PDE7B: variants seen among roughly 807,000 people sequenced by gnomAD.
The protein encoded by PDE7B is 3',5'-cyclic-AMP phosphodiesterase 7B.
In PDE7B, 29 loss-of-function variants were observed where a neutral mutation model predicts 56.2. The ratio of observed to expected loss-of-function variants is 0.52; its 90% confidence interval spans 0.38 to 0.70. The LOEUF (loss-of-function observed/expected upper bound fraction) is 0.70. Among genes scored for constraint, PDE7B ranks in the 30% least tolerant of loss-of-function variants. The probability of loss-of-function intolerance (pLI) is 0.00; values close to 1 mark genes in which losing one functional copy is unlikely to be tolerated. For synonymous variants in PDE7B, 197 were observed against 196.9 expected, an observed-to-expected ratio of 1.00 and a Z score of 0.00; for missense variants, 490 against 565.0, an observed-to-expected ratio of 0.87 and a Z score of 1.35.
intron 2 of PDE7B, among the ~76,000 whole-genome samples, chr6:136,087,047 T>G (rs1400802769): frequency 6.6e-6 from 1 of 152,248 alleles, no homozygotes; most frequent in Non-Finnish European, 1.5e-5. Context: ...TTGTATACTA[T>G]TCTTTATCTA....
At chr6:136,077,554 CTAAAAT>C (rs1168393863) in intron 2 of PDE7B, among the ~76,000 whole-genome samples, 2 of 152,026 alleles carry the variant, frequency 1.3e-5, no homozygotes, top group Non-Finnish European at 2.9e-5. Context: ...TAGATAAAAA[CTAAAAT>C]TAAATTTCAA....
intron 2 of PDE7B, among the ~76,000 whole-genome samples, chr6:136,107,083 A>C (rs1287515544): frequency 1.3e-5 from 2 of 152,204 alleles, no homozygotes; most frequent in Non-Finnish European, 2.9e-5. Flanking sequence ...CCAAGAGCTC[A>C]TGGCTTGCAC....
At chr6:136,156,022 A>G (rs1270383279) in intron 8 of PDE7B, 1 of 545,666 alleles carries the variant, frequency 1.8e-6, no homozygotes, top group Non-Finnish European at 3.5e-6. Flanking sequence ...ATCTCTAAAG[A>G]GTAAATACTT....
chr6:136,043,575 C>CAAAAAAAAAAAAAAAA (rs34337621), intron 2 of PDE7B, among the ~76,000 whole-genome samples: 1 of 106,908 alleles, frequency 9.4e-6, no homozygotes, highest in African/African-American at 3.7e-5. Context: ...GACATAATAG[C>CAAAAAAAAAAAAAAAA]AAAAAAAAAA....
chr6:136,089,989 A>AG (rs1334331640), intron 2 of PDE7B, among the ~76,000 whole-genome samples: 30 of 152,172 alleles, frequency 2.0e-4, no homozygotes, highest in African/African-American at 7.2e-4. Context: ...CATCTATCTT[A>AG]GTGATACACA....
At position 136,191,806 on chromosome 6, in the gene PDE7B, C is replaced by G. The variant is rs1336982420; in HGVS notation, c.1319C>G (p.Thr440Ser). 2 of 1,558,396 alleles carry G rather than the reference C, an allele frequency of 1.3e-6. No individual in the cohort carries two copies. Among genetic ancestry groups the G allele is most frequent in the Non-Finnish European group, 1.7e-6 (2 of 1,151,684 alleles). The change falls in exon 13 of 13, where the codon ACT becomes AGT. Residue 440 changes from threonine to serine, a missense_variant. Thr to Ser is a moderately conservative substitution (Grantham distance 58). Transcript: ENST00000308191. ...GPDHDHAGQG[T>S]ESEEQEGDSP ...GACCACGACCACGCAGGCCAAGGGA[C>G]TGAGAGCGAGGAGCAGGAAGGCGAC... is the stretch of plus-strand genomic sequence containing the variant.
intron 2 of PDE7B, among the ~76,000 whole-genome samples, chr6:135,948,892 TAGATAGAC>T (rs1261547695): frequency 0.011 from 483 of 43,460 alleles, 2 homozygotes; most frequent in African/African-American, 0.016. Flanking sequence ...GATAGATAGA[TAGATAGAC>T]AGACAGACAG....
chr6:135,903,603 G>C (rs1488786724), intron 1 of PDE7B, among the ~76,000 whole-genome samples: 2 of 152,180 alleles, frequency 1.3e-5, no homozygotes, highest in Non-Finnish European at 2.9e-5. Context: ...CCCAAACTGT[G>C]CTGGAAGGAC....
intron 10 of PDE7B, among the ~76,000 whole-genome samples, chr6:136,180,605 T>C (rs557559042): frequency 6.6e-6 from 1 of 152,324 alleles, no homozygotes; most frequent in South Asian, 2.1e-4. Flanking sequence ...TAAAAGAGAA[T>C]CTGCTTCTCT....
At chr6:135,916,684 C>G (rs1001467053) in intron 1 of PDE7B, among the ~76,000 whole-genome samples, 2 of 151,956 alleles carry the variant, frequency 1.3e-5, no homozygotes, top group African/African-American at 4.8e-5. Context: ...AGCCACCGCA[C>G]CCAGCCTGTT....
At chr6:135,893,001 G>A (rs552231270) in intron 1 of PDE7B, among the ~76,000 whole-genome samples, 17 of 152,038 alleles carry the variant, frequency 1.1e-4, no homozygotes, top group African/African-American at 3.9e-4. Flanking sequence ...GAGCTCATTT[G>A]TGCACTTTTC....
chr6:135,934,558 C>T (rs1216929260), intron 1 of PDE7B, among the ~76,000 whole-genome samples: 1 of 149,860 alleles, frequency 6.7e-6, no homozygotes, highest in Non-Finnish European at 1.5e-5. Flanking sequence ...GAAACTCTGT[C>T]TCTACTAAAA....
intron 2 of PDE7B, among the ~76,000 whole-genome samples, chr6:136,003,260 A>G (rs1295420522): frequency 6.6e-6 from 1 of 151,844 alleles, no homozygotes; most frequent in African/African-American, 2.4e-5. Flanking sequence ...GAAAGATCCA[A>G]AATTGACACC....
intron 8 of PDE7B, among the ~76,000 whole-genome samples, chr6:136,170,936 G>C (rs1778869128): frequency 6.6e-6 from 1 of 152,106 alleles, no homozygotes; most frequent in South Asian, 2.1e-4. Flanking sequence ...TGTGGATTAA[G>C]TTTCAACGTG....
intron 2 of PDE7B, among the ~76,000 whole-genome samples, chr6:136,021,918 C>G (rs944238053): frequency 1.3e-5 from 2 of 152,220 alleles, no homozygotes; most frequent in Admixed American, 6.5e-5. Flanking sequence ...CTCTAATCTA[C>G]ATAGCCCAGC....
chr6:135,925,554 T>A (rs1774168476), intron 1 of PDE7B, among the ~76,000 whole-genome samples: 2 of 151,988 alleles, frequency 1.3e-5, no homozygotes. Context: ...TGAAATTCAG[T>A]GAAAACGAAT....
chr6:136,009,158 T>C (rs1212152756), intron 2 of PDE7B, among the ~76,000 whole-genome samples: 1 of 152,118 alleles, frequency 6.6e-6, no homozygotes, highest in Non-Finnish European at 1.5e-5. Flanking sequence ...TATGTGGCAT[T>C]ATTTCTGAGG....
At chr6:136,043,575 CAAAAAA>C (rs34337621) in intron 2 of PDE7B, among the ~76,000 whole-genome samples, 1 of 106,908 alleles carries the variant, frequency 9.4e-6, no homozygotes, top group Admixed American at 9.7e-5. Flanking sequence ...GACATAATAG[CAAAAAA>C]AAAAAAAAAA....
intron 1 of PDE7B, among the ~76,000 whole-genome samples, chr6:135,896,234 A>T (rs1775899808): frequency 6.6e-6 from 1 of 152,136 alleles, no homozygotes; most frequent in African/African-American, 2.4e-5. Context: ...AGCAAGGTGG[A>T]TTAGGGCTGG....
Sources: allele counts gnomAD v4.1 joint callset (sites outside exome capture counted in the v4.1 genomes callset), GRCh38; gene constraint gnomAD v4.1.1; transcripts MANE v1.5; gene names NCBI Gene and HGNC (gene_info 2026-07-23, HGNC 2026-07-21).